Variants in ERBB4 observed in about 807,000 individuals in gnomAD.
The protein encoded by ERBB4 is receptor tyrosine-protein kinase erbB-4.
Under a neutral mutation model 158.0 loss-of-function variants are expected in ERBB4, and 42 were observed. That is an observed-to-expected ratio of 0.27 (90% confidence interval 0.21 to 0.34). The LOEUF is 0.34. Among genes scored for constraint, ERBB4 ranks in the 10% least tolerant of loss-of-function variants. The pLI, the probability that ERBB4 is intolerant of heterozygous loss-of-function variation, is 1.00. For missense variants in ERBB4, 1,333 were observed against 1,624.1 expected, an observed-to-expected ratio of 0.82 and a Z score of 3.08; for synonymous variants, 583 against 558.7, an observed-to-expected ratio of 1.04 and a Z score of -0.61.
chr2:211,540,551 T>C (rs1366245104), intron 20 of ERBB4, among the ~76,000 whole-genome samples: 1 of 151,518 alleles, frequency 6.6e-6, no homozygotes, highest in Admixed American at 6.6e-5. Context: ...TTTGTTTTTG[T>C]TTTTGTTTTT....
rs552158819 is a variant in ERBB4, at chr2:211,850,079, C to T, written c.422-61920G>A. ...TCCATCCAACCTTCTATGCTTCCATCGCTGTTTGCATAGAACCATATATTT... is the reference window on the plus strand; with the variant it reads ...TCCATCCAACCTTCTATGCTTCCATTGCTGTTTGCATAGAACCATATATTT... On this transcript the variant is annotated intron_variant, in intron 3 of 27. Coordinates refer to ENST00000342788, the MANE Select transcript of ERBB4 (RefSeq NM_005235.3). 1.4e-4 allele frequency among the ~76,000 whole-genome samples: 22 copies of T among 152,058 alleles called. 1 individual carries two copies. Among genetic ancestry groups the T allele is most frequent in the African/African-American group, 5.3e-4 (22 of 41,536 alleles).
chr2:212,001,981 T>C lies in ERBB4; in HGVS notation c.235-54365A>G, dbSNP rs539901334. Among the ~76,000 whole-genome samples the C allele has an allele frequency of 4.8e-4, 73 of 152,318 alleles. 1 individual carries two copies. Among genetic ancestry groups the C allele is most frequent in the African/African-American group, 1.7e-3 (69 of 41,578 alleles). On this transcript the variant is annotated intron_variant, in intron 2 of 27. Transcript: ENST00000342788. The stretch of plus-strand genomic sequence containing the variant: ...GGTAGTATTGAGAATTTTCCACTTA[T>C]AATTTTGGCGTACATTTATGTATCC...
chr2:211,966,491 T>C (rs839497), intron 2 of ERBB4, among the ~76,000 whole-genome samples: 54,173 of 151,876 alleles, frequency 0.36, 10,833 homozygotes, highest in African/African-American at 0.53. Context: ...CCGCCTGCCT[T>C]GGCCTCCCAA....
At position 212,406,019 on chromosome 2, in the gene ERBB4, CA is replaced by C. The variant is rs370462411; in HGVS notation, c.82+132429del. On this transcript the variant is annotated intron_variant, in intron 1 of 27. Transcript: ENST00000342788. ...TCCTAAGAATATCGAGGGACAAGCC[CA>C]AAACCATACACAGTGTGAACTAATA... Among the ~76,000 whole-genome samples the C allele has an allele frequency of 1.8e-3, 270 of 152,224 alleles. 2 individuals are homozygous for C. Among genetic ancestry groups the C allele is most frequent in the African/African-American group, 6.1e-3 (254 of 41,564 alleles).
intron 1 of ERBB4, among the ~76,000 whole-genome samples, chr2:212,187,768 A>G (rs1315148711): frequency 2.0e-5 from 3 of 152,162 alleles, no homozygotes; most frequent in Non-Finnish European, 4.4e-5. Flanking sequence ...TTTAGAGGGT[A>G]GGAAATAATG....
At chr2:211,519,351 T>C (rs1193059547) in intron 20 of ERBB4, among the ~76,000 whole-genome samples, 2 of 152,108 alleles carry the variant, frequency 1.3e-5, no homozygotes, top group Non-Finnish European at 2.9e-5. Context: ...CTCTTTTCTG[T>C]TTAAAGTTGT....
At chr2:211,434,093 AGACTTTTGTAATTTAGGTGGATAAT>A (rs1313858952) in intron 20 of ERBB4, among the ~76,000 whole-genome samples, 1 of 152,222 alleles carries the variant, frequency 6.6e-6, no homozygotes, top group Non-Finnish European at 1.5e-5. Flanking sequence ...TTTTGTTTTT[AGACTTTTGTAATTTAGGTGGATAAT>A]GATCCCTTGA....
intron 1 of ERBB4, among the ~76,000 whole-genome samples, chr2:212,192,167 GTTATATA>G (rs2082292757): frequency 6.9e-6 from 1 of 144,642 alleles, no homozygotes; most frequent in South Asian, 2.1e-4. Flanking sequence ...TATTATATGT[GTTATATA>G]TTATATATAT....
intron 2 of ERBB4, among the ~76,000 whole-genome samples, chr2:212,044,139 C>T (rs2077202986): frequency 3.9e-5 from 6 of 152,074 alleles, no homozygotes; most frequent in Admixed American, 3.3e-4. Flanking sequence ...CTTAGTACTA[C>T]ACGGTAGTGT....
chr2:211,562,095 G>GA lies in ERBB4; in HGVS notation c.2302-8dup, dbSNP rs756648805. On this transcript the variant is annotated splice_polypyrimidine_tract_variant and splice_region_variant and intron_variant, in intron 19 of 27. Coordinates refer to ENST00000342788, the MANE Select transcript of ERBB4 (RefSeq NM_005235.3). ...TTGCCATGATCAGAGCTTCCTGTAA[G>GA]AAAAAAATGCAATACCATGATTTCA... The GA allele has an allele frequency of 1.8e-5, 29 of 1,611,120 alleles. No homozygotes were observed. Among genetic ancestry groups the GA allele is most frequent in the Admixed American group, 3.3e-5 (2 of 59,996 alleles).
At chr2:212,254,061 G>C (rs527606223) in intron 1 of ERBB4, among the ~76,000 whole-genome samples, 2 of 152,152 alleles carry the variant, frequency 1.3e-5, no homozygotes, top group South Asian at 4.2e-4. Flanking sequence ...GAGGTGGTCA[G>C]TCATTGACTG....
At chr2:211,548,263 C>T (rs1378959961) in intron 20 of ERBB4, among the ~76,000 whole-genome samples, 6 of 151,006 alleles carry the variant, frequency 4.0e-5, no homozygotes, top group South Asian at 4.2e-4. Flanking sequence ...GCTTTATCAC[C>T]GATTTGGGAG....
chr2:212,080,825 T>G (rs1002835609), intron 2 of ERBB4, among the ~76,000 whole-genome samples: 3 of 152,164 alleles, frequency 2.0e-5, no homozygotes, highest in African/African-American at 7.2e-5. Context: ...ACATCTGAAA[T>G]GACAAAAAGG....
chr2:211,763,230 T>C (rs1362406420), intron 4 of ERBB4, among the ~76,000 whole-genome samples: 1 of 152,192 alleles, frequency 6.6e-6, no homozygotes, highest in African/African-American at 2.4e-5. Flanking sequence ...GGGTTCTATT[T>C]CAACATGAAC....
At chr2:211,413,083 G>C (rs1314873514) in intron 25 of ERBB4, among the ~76,000 whole-genome samples, 1 of 151,902 alleles carries the variant, frequency 6.6e-6, no homozygotes, top group African/African-American at 2.4e-5. Flanking sequence ...ATTGCTTGAG[G>C]CCAGGAGTTT....
Position 212,251,538 on chromosome 2 carries a change from GA to G in ERBB4, c.83-126636del, listed in dbSNP as rs755955298. 1.4e-4 allele frequency among the ~76,000 whole-genome samples: 21 copies of G among 152,018 alleles called. No homozygotes were observed. In the East Asian group the frequency reaches 1.9e-3, roughly 14 times the overall value. On this transcript the variant is annotated intron_variant, in intron 1 of 27. Transcript: ENST00000342788. Reference sequence around the variant, plus strand: ...AAAAATGAGGATCAGTAGCTTTCAGGAACTTACAAGTTTTGATTGGAGGACT... The same window carrying G: ...AAAAATGAGGATCAGTAGCTTTCAGGACTTACAAGTTTTGATTGGAGGACT...
intron 1 of ERBB4, among the ~76,000 whole-genome samples, chr2:212,368,878 G>A (rs772834671): frequency 6.6e-5 from 10 of 152,194 alleles, no homozygotes; most frequent in East Asian, 3.9e-4. Context: ...TAATAGCACC[G>A]TAGGTCCCTA....
At chr2:211,781,561 T>C (rs2076038090) in intron 4 of ERBB4, among the ~76,000 whole-genome samples, 1 of 152,186 alleles carries the variant, frequency 6.6e-6, no homozygotes, top group African/African-American at 2.4e-5. Context: ...TTCTAGTTAC[T>C]AAAACACACT....
chr2:212,500,016 T>A (rs1270955489), intron 1 of ERBB4, among the ~76,000 whole-genome samples: 1 of 152,130 alleles, frequency 6.6e-6, no homozygotes, highest in Non-Finnish European at 1.5e-5. Context: ...ACAAAACATG[T>A]TGAACACTGA....
Sources: allele counts gnomAD v4.1 joint callset (sites outside exome capture counted in the v4.1 genomes callset), GRCh38; gene constraint gnomAD v4.1.1; transcripts MANE v1.5; gene names NCBI Gene and HGNC (gene_info 2026-07-23, HGNC 2026-07-21).